The following DLC1 variants were observed in gnomAD, a reference collection of about 807,000 sequenced individuals.
DLC1 encodes the protein rho GTPase-activating protein 7.
In DLC1, 54 loss-of-function variants were observed where a neutral mutation model predicts 140.3. The observed-to-expected ratio is 0.38, with a 90% CI of 0.31 to 0.48. DLC1 has a LOEUF of 0.48. DLC1 is among the 20% of genes least tolerant of loss of function. The pLI is 0.96. For missense variants in DLC1, 2,536 were observed against 1,907.0 expected, an observed-to-expected ratio of 1.33 and a Z score of -6.14; for synonymous variants, 986 against 728.1, an observed-to-expected ratio of 1.35 and a Z score of -5.70.
At chr8:13,103,043 G>A (rs1300160988) in intron 7 of DLC1, among the ~76,000 whole-genome samples, 190 bp from the exon 8 acceptor site, 1 of 152,184 alleles carries the variant, frequency 6.6e-6, no homozygotes, top group Non-Finnish European at 1.5e-5. Context: ...GGGCGTGGTG[G>A]CTCACGCCTG....
In DLC1 at chr8:13,095,321, G is replaced by A. The variant is rs956824392; in HGVS notation, c.3168-76C>T. 10 of 1,577,794 alleles carry A rather than the reference G, an allele frequency of 6.3e-6. No homozygotes were observed. In the African/African-American group the frequency reaches 1.1e-4, roughly 17 times the overall value. ...CTGTCTACACTTGTCCAATTCTGCA[G>A]GCAAACCCTGTGGGCTCCAGATCTG... is the stretch of plus-strand genomic sequence containing the variant. On this transcript the variant is annotated intron_variant, in intron 10 of 17. Transcript: ENST00000276297.
chr8:13,453,245 T>A (rs895059031), intron 2 of DLC1, among the ~76,000 whole-genome samples: 26 of 148,204 alleles, frequency 1.8e-4, no homozygotes, highest in South Asian at 4.2e-4. Flanking sequence ...AAGCAAGCAT[T>A]AAGAAGACTA....
At chr8:13,380,023 G>A (rs1836179288) in intron 4 of DLC1, among the ~76,000 whole-genome samples, 1 of 152,178 alleles carries the variant, frequency 6.6e-6, no homozygotes, top group Non-Finnish European at 1.5e-5. Flanking sequence ...GATCTCAGCA[G>A]CAAACTGAAC....
intron 8 of DLC1, 78 bp from the exon 9 acceptor site, chr8:13,100,848 C>A: frequency 7.1e-7 from 1 of 1,400,986 alleles, no homozygotes; most frequent in Non-Finnish European, 9.5e-7. Context: ...GGAGGCTGCT[C>A]ATAATATGCC....
At chr8:13,581,217 C>T (rs926397549) in intron 1 of DLC1, among the ~76,000 whole-genome samples, 8 of 152,140 alleles carry the variant, frequency 5.3e-5, no homozygotes, top group African/African-American at 1.7e-4. Context: ...TCTCAGCTAA[C>T]CACACATTTT....
At chr8:13,506,667 A>G (rs1447901169) in intron 1 of DLC1, among the ~76,000 whole-genome samples, 2 of 151,300 alleles carry the variant, frequency 1.3e-5, no homozygotes, top group African/African-American at 4.9e-5. Context: ...GTGCATATGT[A>G]TGTATATAAA....
intron 2 of DLC1, among the ~76,000 whole-genome samples, chr8:13,430,624 G>C (rs954448847): frequency 3.3e-5 from 5 of 152,160 alleles, no homozygotes; most frequent in African/African-American, 1.2e-4. Flanking sequence ...TGAAAACATA[G>C]TTTCTCCATT....
intron 2 of DLC1, among the ~76,000 whole-genome samples, chr8:13,418,764 G>C (rs1441209538): frequency 6.6e-6 from 1 of 152,122 alleles, no homozygotes; most frequent in African/African-American, 2.4e-5. Flanking sequence ...GTCATTGGTA[G>C]CTTGATGGGG....
At chr8:13,316,359 A>G (rs576858580) in intron 4 of DLC1, among the ~76,000 whole-genome samples, 2 of 152,296 alleles carry the variant, frequency 1.3e-5, no homozygotes, top group Middle Eastern at 3.4e-3. Flanking sequence ...AGTTTTATAC[A>G]ATACAATTGT....
chr8:13,453,422 A>ATATTTTTTTTTTTTTTTTTTTTTTTTT (rs1554523043), intron 2 of DLC1, among the ~76,000 whole-genome samples: 7 of 32,564 alleles, frequency 2.1e-4, no homozygotes, highest in Admixed American at 1.5e-3. Context: ...ATATATATAT[A>ATATTTTTTTTTTTTTTTTTTTTTTTTT]TGTGTATATA....
chr8:13,197,849 A>G (rs566912326), intron 5 of DLC1, among the ~76,000 whole-genome samples: 6 of 152,208 alleles, frequency 3.9e-5, no homozygotes, highest in Non-Finnish European at 7.4e-5. Context: ...AATACACCCT[A>G]TTGGAGAGGT....
chr8:13,086,302 C>G lies in DLC1; in HGVS notation c.4454G>C (p.Arg1485Thr). The change falls in exon 17 of 18, where the codon AGA becomes ACA. Residue 1485 changes from arginine (R) to threonine (T), a missense_variant. Arg to Thr is a moderately conservative substitution (Grantham distance 71, BLOSUM62 -1). Coordinates refer to ENST00000276297, the MANE Select transcript of DLC1 (RefSeq NM_182643.3). ...AATCAGAACATACCTTAAGTCAACT[C>G]TGCACATGTAGGTGAGTTTGGATTT... ...PGKSKLTYMCRVDLRGHMPEW... is the reference protein window; with the variant it reads ...PGKSKLTYMCTVDLRGHMPEW... 1 of 1,614,178 alleles carries G rather than the reference C, an allele frequency of 6.2e-7. No homozygotes were observed. Among genetic ancestry groups the G allele is most frequent in the South Asian group, 1.1e-5 (1 of 91,066 alleles).
chr8:13,142,750 T>C (rs959033591), intron 5 of DLC1, among the ~76,000 whole-genome samples: 2 of 152,130 alleles, frequency 1.3e-5, no homozygotes, highest in Non-Finnish European at 1.5e-5. Context: ...CCTCAAAATA[T>C]ACAGAGTAAA....
Position 13,086,095 on chromosome 8 carries a change from T to G in DLC1, c.4467-164A>C, listed in dbSNP as rs1585556546. The G allele has an allele frequency of 2.2e-6, 3 of 1,360,062 alleles. No homozygotes were observed. In the East Asian group the frequency reaches 7.5e-5, roughly 34 times the overall value. The allele number at this position is 1,360,062 out of a possible 1,614,324, so 84.2% of individuals were successfully genotyped here. A position where few individuals can be genotyped will look rare whatever the true frequency, so the allele number is the denominator to read the frequency against. ...ATATTTGCTTTGCTTTAGAACCACA[T>G]TTTCTAAGGGAACCAAATTACGAAG... On this transcript the variant is annotated intron_variant, in intron 17 of 17. Coordinates refer to ENST00000276297, the MANE Select transcript of DLC1 (RefSeq NM_182643.3).
chr8:13,458,183 A>T (rs1299785646), intron 2 of DLC1, among the ~76,000 whole-genome samples: 2 of 152,214 alleles, frequency 1.3e-5, no homozygotes, highest in Non-Finnish European at 2.9e-5. Flanking sequence ...CAGACAAATT[A>T]TCTGAGATAA....
intron 1 of DLC1, among the ~76,000 whole-genome samples, chr8:13,509,619 C>T (rs1045279705): frequency 8.5e-5 from 13 of 152,288 alleles, no homozygotes; most frequent in South Asian, 4.1e-4. Context: ...GTACTGTATT[C>T]GGTGTGTTAC....
At chr8:13,556,225 G>T (rs1170737056) in intron 1 of DLC1, among the ~76,000 whole-genome samples, 2 of 152,106 alleles carry the variant, frequency 1.3e-5, no homozygotes. Flanking sequence ...TCATAGATCT[G>T]GGACAGAGCT....
intron 5 of DLC1, among the ~76,000 whole-genome samples, chr8:13,236,532 G>A (rs1275421836): frequency 6.6e-6 from 1 of 152,110 alleles, no homozygotes; most frequent in Non-Finnish European, 1.5e-5. Context: ...ACAATAATTA[G>A]TGTAGTGAAC....
chr8:13,305,197 A>C (rs757512655), intron 5 of DLC1, 72 bp downstream of exon 5: 2 of 1,572,240 alleles, frequency 1.3e-6, no homozygotes, highest in Non-Finnish European at 1.7e-6. Flanking sequence ...ATATTTAATA[A>C]AATGCCTATT....
Sources: allele counts gnomAD v4.1 joint callset (sites outside exome capture counted in the v4.1 genomes callset), GRCh38; gene constraint gnomAD v4.1.1; transcripts MANE v1.5; gene names NCBI Gene and HGNC (gene_info 2026-07-23, HGNC 2026-07-21).